MORN3: variants seen among roughly 807,000 people sequenced by gnomAD.
MORN3 encodes the protein MORN repeat-containing protein 3.
In MORN3, 38 loss-of-function variants were observed where a neutral mutation model predicts 34.7. The observed-to-expected ratio is 1.10, with a 90% CI of 0.85 to 1.44. The LOEUF is 1.44. Ranked by LOEUF, MORN3 falls within the 40% of genes most tolerant of loss-of-function variation. The pLI is 0.00. For synonymous variants in MORN3, 109 were observed against 115.3 expected (o/e 0.95, Z 0.35); for missense variants, 311 against 321.7 (o/e 0.97, Z 0.25).
chr12:121,672,270 G>A (rs1389548719), upstream of MORN3, among the ~76,000 whole-genome samples: 1 of 151,584 alleles, frequency 6.6e-6, no homozygotes, highest in Admixed American at 6.6e-5. Flanking sequence ...ACCAGCCTGG[G>A]CAACCATAGT....
chr12:121,659,277 C>G lies in MORN3; in HGVS notation c.217G>C (p.Gly73Arg), dbSNP rs148910019. 8 of 1,614,038 alleles carry G rather than the reference C, an allele frequency of 5.0e-6. No homozygotes were observed. The highest frequency in any genetic ancestry group is 2.7e-5 in the African/African-American group (2 of 75,026). The change falls in exon 2 of 6, where the codon GGC (glycine) becomes CGC (arginine). Residue 73 changes from glycine (G) to arginine (R), a missense_variant. By Grantham distance (125) the Gly-to-Arg change is moderately radical. Coordinates refer to ENST00000355329, the MANE Select transcript of MORN3 (RefSeq NM_173855.5). ...TCAGGAAGGCTGAGGGTGCCGTAGC[C>G]GTCTCGCTTCCCAAACTTCCAGTCC... ...EGDWKFGKRD[G>R]YGTLSLPDQQ...
intron 1 of MORN3, among the ~76,000 whole-genome samples, chr12:121,661,574 T>C (rs1333694284): frequency 6.6e-6 from 1 of 152,088 alleles, no homozygotes; most frequent in Non-Finnish European, 1.5e-5. Flanking sequence ...GTAAAATGGG[T>C]ATAAGAATAT....
intron 5 of MORN3, among the ~76,000 whole-genome samples, chr12:121,652,476 C>G (rs1428463083): frequency 6.6e-6 from 1 of 152,196 alleles, no homozygotes. Flanking sequence ...TCAACTTATC[C>G]GCCTGCCTTG....
At chr12:121,667,614 C>T (rs1251318022) in intron 1 of MORN3, among the ~76,000 whole-genome samples, 2 of 152,132 alleles carry the variant, frequency 1.3e-5, no homozygotes, top group African/African-American at 4.8e-5. Flanking sequence ...GTCCTCCTGG[C>T]TGTTCCTTGA....
intron 1 of MORN3, among the ~76,000 whole-genome samples, chr12:121,660,791 C>T (rs76178266): frequency 0.033 from 5,021 of 151,956 alleles, 213 homozygotes; most frequent in East Asian, 0.11. Flanking sequence ...ACCTCATCCC[C>T]CCAAGTAGCT....
intron 1 of MORN3, among the ~76,000 whole-genome samples, chr12:121,660,447 T>A (rs1893549036): frequency 2.1e-5 from 3 of 141,856 alleles, no homozygotes; most frequent in African/African-American, 8.0e-5. Flanking sequence ...CGCCTCCTGG[T>A]TCAAGAGATT....
intron 1 of MORN3, among the ~76,000 whole-genome samples, chr12:121,660,761 C>G (rs1468705484): frequency 2.6e-5 from 4 of 150,976 alleles, no homozygotes; most frequent in African/African-American, 9.8e-5. Flanking sequence ...TTCCACCTCT[C>G]AGGTACAAGC....
rs1426259580 is a variant in MORN3 at position 121,659,200 on chromosome 12, A to T, written c.294T>A (p.Asp98Glu). ...TGGCAGGCCTGCTCACCGATTTCTT[A>T]TCACCTTTCCACCAGCCTGAGTAGA... Reference protein sequence around the residue: ...RRVYSGWWKGDKKSGYGIQFF... With the variant: ...RRVYSGWWKGEKKSGYGIQFF... The change falls in exon 2 of 6, where the codon GAT (aspartate) becomes GAA (glutamate). Residue 98 changes from aspartate to glutamate, a missense_variant. Physicochemically the swap from Asp to Glu is conservative, Grantham distance 45. Transcript: ENST00000355329. 3 of 1,611,462 alleles carry T rather than the reference A, an allele frequency of 1.9e-6. No homozygotes were observed. The Admixed American group carries it at 5.0e-5, about 27-fold the overall frequency.
In MORN3 at chr12:121,654,306, T is replaced by C. The variant is rs781847344; in HGVS notation, c.431A>G (p.Asp144Gly). The change falls in exon 3 of 6, where the codon GAC becomes GGC. Residue 144 changes from aspartate (D) to glycine (G), a missense_variant. Transcript: ENST00000355329. ...CAGCATGCCCTCCCCGTTGGGCTTG[T>C]CGTTCTCCCACTGTCCCTCGTAGAT... is the stretch of plus-strand genomic sequence containing the variant. ...GDIYEGQWEN[D>G]KPNGEGMLRL... is the part of the protein sequence containing the mutation. 1 of 1,598,410 alleles carries C rather than the reference T, an allele frequency of 6.3e-7. No homozygotes were observed. Among genetic ancestry groups the C allele is most frequent in the South Asian group, 1.1e-5 (1 of 88,328 alleles).
chr12:121,668,848 C>G (rs908831143), intron 1 of MORN3, among the ~76,000 whole-genome samples: 2 of 152,064 alleles, frequency 1.3e-5, no homozygotes, highest in East Asian at 3.8e-4. Context: ...TCAACAGGAC[C>G]CCTTTGCCCC....
At chr12:121,654,838 TC>T (rs374903573) in intron 2 of MORN3, among the ~76,000 whole-genome samples, 5 of 151,876 alleles carry the variant, frequency 3.3e-5, no homozygotes, top group African/African-American at 9.6e-5. Context: ...CTTCAAGTGA[TC>T]CGCCCGCCTC....
Position 121,648,855 on chromosome 12 carries a change from CCA to C in MORN3, c.*2794_*2795del, listed in dbSNP as rs1893190637. On this transcript the variant is annotated 3_prime_UTR_variant, in exon 6 of 6. Coordinates refer to ENST00000355329, the MANE Select transcript of MORN3 (RefSeq NM_173855.5). ...CCTGTTCCCAAGTCCCCAATTCTCC[CCA>C]GAGACAACCATCTTTGCCAGTTTAT... is the stretch of plus-strand genomic sequence containing the variant. 6 of 152,254 alleles carry C rather than the reference CCA, an allele frequency of 3.9e-5. No individual in the cohort carries two copies. The highest frequency in any genetic ancestry group is 3.3e-4 in the Admixed American group (5 of 15,282). 9.4% of individuals were successfully genotyped at this position (152,254 alleles called of 1,614,324 possible). A position where few individuals can be genotyped will look rare whatever the true frequency, so the allele number is the denominator to read the frequency against.
chr12:121,658,498 G>C (rs1555325933), intron 2 of MORN3, among the ~76,000 whole-genome samples: 1 of 150,502 alleles, frequency 6.6e-6, no homozygotes, highest in Admixed American at 6.6e-5. Flanking sequence ...CCCGGGAGGC[G>C]GAGCTCGCAG....
intron 1 of MORN3, among the ~76,000 whole-genome samples, chr12:121,668,212 CTT>C (rs1893831432): frequency 6.6e-6 from 1 of 151,758 alleles, no homozygotes; most frequent in African/African-American, 2.4e-5. Context: ...CTGCAAAGCA[CTT>C]AACCCAGCAA....
At chr12:121,663,980 C>A (rs1893666195) in intron 1 of MORN3, among the ~76,000 whole-genome samples, 1 of 152,118 alleles carries the variant, frequency 6.6e-6, no homozygotes, top group South Asian at 2.1e-4. Flanking sequence ...CGCCCCCTGG[C>A]AGGCCTACCC....
upstream of MORN3, among the ~76,000 whole-genome samples, chr12:121,670,979 CG>C (rs1893946898): frequency 7.1e-6 from 1 of 140,750 alleles, no homozygotes. Context: ...GGTGTGGTGG[CG>C]GGCGCCTGTA....
chr12:121,665,764 CAAAAA>C (rs59071462), intron 1 of MORN3, among the ~76,000 whole-genome samples: 1 of 50,578 alleles, frequency 2.0e-5, no homozygotes, highest in Non-Finnish European at 3.9e-5. Flanking sequence ...GACTCTGTCT[CAAAAA>C]AAAAAAAAAA....
intron 1 of MORN3, among the ~76,000 whole-genome samples, chr12:121,666,860 C>T (rs898445331): frequency 1.3e-5 from 2 of 151,962 alleles, no homozygotes; most frequent in African/African-American, 4.8e-5. Flanking sequence ...GCTCTAAACC[C>T]TCCCTGTGTC....
At chr12:121,664,159 A>G (rs1450701257) in intron 1 of MORN3, among the ~76,000 whole-genome samples, 1 of 152,136 alleles carries the variant, frequency 6.6e-6, no homozygotes, top group Non-Finnish European at 1.5e-5. Flanking sequence ...AGGAAAGCAA[A>G]ATGGAGACAT....
Sources: gnomAD v4.1 joint callset for allele counts (sites outside exome capture counted in the v4.1 genomes callset) on GRCh38, gnomAD v4.1.1 for gene constraint, MANE v1.5 for transcripts, NCBI Gene and HGNC (gene_info 2026-07-23, HGNC 2026-07-21) for gene names.